The following FOCAD variants were observed in gnomAD, a reference collection of about 807,000 sequenced individuals.
The protein encoded by FOCAD is focadhesin.
Under a neutral mutation model 225.6 loss-of-function variants are expected in FOCAD, and 198 were observed. The observed-to-expected ratio is 0.88, with a 90% CI of 0.78 to 0.99. The LOEUF is 0.99. Ranked by LOEUF, FOCAD falls within the 50% of genes least tolerant of loss-of-function variation. The pLI, the probability that FOCAD is intolerant of heterozygous loss-of-function variation, is 0.00. For missense variants in FOCAD, 2,713 were observed against 2,123.6 expected (o/e 1.28, Z -5.46); for synonymous variants, 897 against 755.0 (o/e 1.19, Z -3.08).
At chr9:20,905,015 C>T (rs1832842738) in intron 21 of FOCAD, among the ~76,000 whole-genome samples, 1 of 151,924 alleles carries the variant, frequency 6.6e-6, no homozygotes, top group African/African-American at 2.4e-5. Flanking sequence ...GCTTGTGACA[C>T]AATGGGAATG....
intron 26 of FOCAD, among the ~76,000 whole-genome samples, chr9:20,928,117 C>G (rs1345687306): frequency 6.6e-6 from 1 of 152,110 alleles, no homozygotes; most frequent in South Asian, 2.1e-4. Flanking sequence ...CAATAACTAT[C>G]TAGTTCAGGT....
intron 1 of FOCAD, among the ~76,000 whole-genome samples, chr9:20,709,585 A>G (rs754759443): frequency 2.0e-5 from 3 of 151,914 alleles, no homozygotes; most frequent in Non-Finnish European, 4.4e-5. Flanking sequence ...TGTTTTTTGA[A>G]ATTCCCTAAG....
intron 2 of FOCAD, among the ~76,000 whole-genome samples, chr9:20,678,431 T>C (rs1822299885): frequency 2.0e-5 from 3 of 152,168 alleles, no homozygotes; most frequent in African/African-American, 7.2e-5. Flanking sequence ...AAAACCAGCC[T>C]AAATATGAAT....
At chr9:20,829,667 C>T (rs1279110095) in intron 15 of FOCAD, among the ~76,000 whole-genome samples, 2 of 152,020 alleles carry the variant, frequency 1.3e-5, no homozygotes, top group Non-Finnish European at 2.9e-5. Context: ...TACTGGAAAG[C>T]ACGAGCTTGG....
chr9:20,680,825 T>A (rs1438521544), upstream of FOCAD, among the ~76,000 whole-genome samples: 2 of 152,102 alleles, frequency 1.3e-5, no homozygotes, highest in Non-Finnish European at 2.9e-5. Context: ...TTTATTAGAA[T>A]GTAGTAGTAG....
At chr9:20,820,753 A>G (rs1473161739) in intron 13 of FOCAD, among the ~76,000 whole-genome samples, 188 bp from the exon 14 acceptor site, 3 of 152,152 alleles carry the variant, frequency 2.0e-5, no homozygotes, top group African/African-American at 7.2e-5. Flanking sequence ...TATGAAATCA[A>G]CAGTACATTG....
At chr9:20,658,157 T>C (rs1312448678), upstream of FOCAD, among the ~76,000 whole-genome samples, 2 of 151,806 alleles carry the variant, frequency 1.3e-5, no homozygotes, top group East Asian at 3.9e-4. Flanking sequence ...AGCTGCGTGG[T>C]GGGAGAACCA....
At chr9:20,957,284 T>C (rs1447023301) in intron 35 of FOCAD, among the ~76,000 whole-genome samples, 1 of 151,830 alleles carries the variant, frequency 6.6e-6, no homozygotes, top group Non-Finnish European at 1.5e-5. Context: ...GGCCTCAAAC[T>C]CTAGCTTTGA....
chr9:20,906,910 A>G (rs908856000), intron 21 of FOCAD, among the ~76,000 whole-genome samples: 1 of 151,952 alleles, frequency 6.6e-6, no homozygotes, highest in Admixed American at 6.6e-5. Context: ...TTATTGTAGG[A>G]TTTTATTTGC....
At chr9:20,671,860 A>C (rs1463557216) in intron 2 of FOCAD, among the ~76,000 whole-genome samples, 1 of 152,190 alleles carries the variant, frequency 6.6e-6, no homozygotes, top group Non-Finnish European at 1.5e-5. Flanking sequence ...TGGCTTGTAC[A>C]GGCTCCTGAG....
At chr9:20,766,227 CTG>C (rs1275175847) in intron 7 of FOCAD, among the ~76,000 whole-genome samples, 1 of 152,050 alleles carries the variant, frequency 6.6e-6, no homozygotes, top group African/African-American at 2.4e-5. Flanking sequence ...TTCTGGGAAT[CTG>C]TGGCTTTTTA....
At chr9:20,954,389 C>T (rs1314550516) in intron 35 of FOCAD, among the ~76,000 whole-genome samples, 3 of 151,898 alleles carry the variant, frequency 2.0e-5, no homozygotes, top group African/African-American at 7.3e-5. Flanking sequence ...TGTTAGGTTG[C>T]TTATTGATAT....
In FOCAD at chr9:20,730,210, A is replaced by G. The variant is rs567670085; in HGVS notation, c.287+9676A>G. ...TGTTTTCATTTTTGATGATGTTAGC[A>G]GCTGTTGATGCTCAGTGACTAGATC... On this transcript the variant is annotated intron_variant, in intron 4 of 43. Coordinates refer to ENST00000338382, the MANE Select transcript of FOCAD (RefSeq NM_001375567.1). 3.3e-5 allele frequency among the ~76,000 whole-genome samples: 5 copies of G among 152,272 alleles called. No individual in the cohort carries two copies. The South Asian group carries it at 6.2e-4, about 19-fold the overall frequency.
chr9:20,682,155 C>T (rs1822417500), upstream of FOCAD, among the ~76,000 whole-genome samples: 2 of 152,212 alleles, frequency 1.3e-5, no homozygotes. Context: ...TATTCCAAAT[C>T]TGCTGGCACC....
At chr9:20,743,070 T>C (rs900746113) in intron 5 of FOCAD, among the ~76,000 whole-genome samples, 14 of 152,190 alleles carry the variant, frequency 9.2e-5, no homozygotes, top group African/African-American at 3.4e-4. Flanking sequence ...GAAGAGCATA[T>C]TCCCCTCAAG....
chr9:20,664,153 C>G (rs530775040), intron 2 of FOCAD, among the ~76,000 whole-genome samples: 1 of 151,706 alleles, frequency 6.6e-6, no homozygotes, highest in Non-Finnish European at 1.5e-5. Flanking sequence ...TTTAAAAGTT[C>G]TATATTTAAA....
intron 6 of FOCAD, among the ~76,000 whole-genome samples, chr9:20,758,652 G>T (rs575639587): frequency 6.6e-6 from 1 of 151,926 alleles, no homozygotes; most frequent in Non-Finnish European, 1.5e-5. Flanking sequence ...TACTGAGAAT[G>T]ATGATTTCCA....
chr9:20,950,841 G>C (rs1020031855), intron 33 of FOCAD, among the ~76,000 whole-genome samples, 155 bp from the exon 34 acceptor site: 1 of 152,142 alleles, frequency 6.6e-6, no homozygotes, highest in Non-Finnish European at 1.5e-5. Flanking sequence ...CAGGTATAGC[G>C]TACTAGACAC....
chr9:20,991,812 CAAAAAAAAA>C (rs58403366), intron 42 of FOCAD, among the ~76,000 whole-genome samples: 1 of 105,984 alleles, frequency 9.4e-6, no homozygotes, highest in African/African-American at 3.7e-5. Flanking sequence ...GACTCTGTCT[CAAAAAAAAA>C]AAAAAAAAAA....
Sources: allele counts gnomAD v4.1 joint callset (sites outside exome capture counted in the v4.1 genomes callset), GRCh38; gene constraint gnomAD v4.1.1; transcripts MANE v1.5; gene names NCBI Gene and HGNC (gene_info 2026-07-23, HGNC 2026-07-21).